Variants in TOP2B observed in about 807,000 individuals in gnomAD.
TOP2B encodes DNA topoisomerase 2-beta.
A neutral mutation model predicts 193.5 loss-of-function variants in TOP2B; 51 were observed. The observed-to-expected ratio is 0.26, with a 90% CI of 0.21 to 0.33. The LOEUF (loss-of-function observed/expected upper bound fraction) is 0.33, where lower values mean the gene tolerates loss of function less well. Ranked by LOEUF, TOP2B falls within the 10% of genes least tolerant of loss-of-function variation. The pLI is 1.00. For synonymous variants in TOP2B, 634 were observed against 635.7 expected, an observed-to-expected ratio of 1.00 and a Z score of 0.04; for missense variants, 1,378 against 1,909.3, an observed-to-expected ratio of 0.72 and a Z score of 5.19.
intron 1 of TOP2B, among the ~76,000 whole-genome samples, chr3:25,658,777 A>G (rs966640192): frequency 1.3e-5 from 2 of 152,226 alleles, no homozygotes; most frequent in African/African-American, 4.8e-5. Flanking sequence ...AGTCTTCAGA[A>G]GAAAATGGAA....
intron 1 of TOP2B, among the ~76,000 whole-genome samples, chr3:25,660,753 T>C (rs1243481839): frequency 6.6e-6 from 1 of 152,216 alleles, no homozygotes; most frequent in Non-Finnish European, 1.5e-5. Context: ...AATAAATCTT[T>C]AAACAATATT....
intron 1 of TOP2B, among the ~76,000 whole-genome samples, chr3:25,648,121 T>C (rs1162957973): frequency 6.6e-6 from 1 of 152,210 alleles, no homozygotes; most frequent in Non-Finnish European, 1.5e-5. Context: ...AGTGCTACCC[T>C]AGAAACTTCT....
chr3:25,630,779 T>C (rs2125378385), intron 11 of TOP2B, 22 bp downstream of exon 11: 2 of 1,507,448 alleles, frequency 1.3e-6, no homozygotes, highest in African/African-American at 2.9e-5. Flanking sequence ...ATCAAAATCT[T>C]ATTTAAAAAT....
intron 33 of TOP2B, among the ~76,000 whole-genome samples, chr3:25,602,418 A>T (rs201457956): frequency 1.9e-5 from 2 of 105,078 alleles, no homozygotes; most frequent in Admixed American, 9.8e-5. Flanking sequence ...AAGAAAAAGA[A>T]AAAAAAAAAA....
chr3:25,664,106 T>C (rs558043334), intron 1 of TOP2B, 123 bp downstream of exon 1: 7 of 1,415,246 alleles, frequency 4.9e-6, no homozygotes, highest in East Asian at 5.2e-5. Context: ...CACAGGCCCC[T>C]ATGGAGCGCC....
At chr3:25,644,117 T>C (rs1703345256) in intron 2 of TOP2B, among the ~76,000 whole-genome samples, 1 of 150,960 alleles carries the variant, frequency 6.6e-6, no homozygotes, top group Admixed American at 6.6e-5. Flanking sequence ...TTTTTTTTTA[T>C]AATACAGGGA....
chr3:25,626,973 G>C lies in TOP2B; in HGVS notation c.2017-109C>G, dbSNP rs534461460. ...CTAATTCTTAATTTCTGGAAAATTA[G>C]GTTATTTTACAATATTTTAATCAAA... On this transcript the variant is annotated intron_variant, in intron 16 of 35. Coordinates refer to ENST00000264331, the MANE Select transcript of TOP2B (RefSeq NM_001330700.2). 83 of 753,218 alleles carry C rather than the reference G, an allele frequency of 1.1e-4. No homozygotes were observed. In the East Asian group the frequency reaches 2.2e-3, roughly 20 times the overall value. The allele number at this position is 753,218 out of a possible 1,614,324, so 46.7% of individuals were successfully genotyped here. A position where few individuals can be genotyped will look rare whatever the true frequency, so the allele number is the denominator to read the frequency against.
intron 25 of TOP2B, among the ~76,000 whole-genome samples, chr3:25,617,239 A>G (rs1240451945): frequency 6.6e-6 from 1 of 152,112 alleles, no homozygotes; most frequent in East Asian, 1.9e-4. Flanking sequence ...AAAAACATAT[A>G]GTTTAAACCA....
At chr3:25,606,704 G>C (rs1248843878) in intron 31 of TOP2B, among the ~76,000 whole-genome samples, 1 of 152,112 alleles carries the variant, frequency 6.6e-6, no homozygotes, top group African/African-American at 2.4e-5. Context: ...CTCACCAAAA[G>C]CAAGAAAAAT....
chr3:25,604,813 AATG>A lies in TOP2B; in HGVS notation c.4433_4435del (p.Ser1478del). 1 of 1,613,084 alleles carries A rather than the reference AATG, an allele frequency of 6.2e-7. No homozygotes were observed. Among genetic ancestry groups the A allele is most frequent in the Non-Finnish European group, 8.5e-7 (1 of 1,179,420 alleles). On this transcript the variant is annotated inframe_deletion, in exon 33 of 36. Coordinates refer to ENST00000264331, the MANE Select transcript of TOP2B (RefSeq NM_001330700.2). ...AACTTTATCTGTCTGTTTCAGACCA[AATG>A]ATGGTGAAAAAACAGAAGCAGAATC...
chr3:25,604,736 A>C (rs1702193469), intron 33 of TOP2B, 24 bp downstream of exon 33: 1 of 1,529,268 alleles, frequency 6.5e-7, no homozygotes, highest in Non-Finnish European at 9.0e-7. Flanking sequence ...CCAATGCTTA[A>C]CTCAATCAAA....
At chr3:25,650,344 C>T (rs1243949843) in intron 1 of TOP2B, among the ~76,000 whole-genome samples, 1 of 152,166 alleles carries the variant, frequency 6.6e-6, no homozygotes, top group Non-Finnish European at 1.5e-5. Context: ...AAACTGTTGC[C>T]AAGACCTTTG....
At chr3:25,606,524 G>T (rs1325905957) in intron 31 of TOP2B, among the ~76,000 whole-genome samples, 1 of 151,896 alleles carries the variant, frequency 6.6e-6, no homozygotes, top group African/African-American at 2.4e-5. Context: ...AAAACCCAAG[G>T]AAAAAGACAG....
At chr3:25,655,536 T>C (rs988236654) in intron 1 of TOP2B, among the ~76,000 whole-genome samples, 1 of 152,206 alleles carries the variant, frequency 6.6e-6, no homozygotes, top group Non-Finnish European at 1.5e-5. Context: ...TTTGGGTATA[T>C]ATCCAAAAGA....
intron 6 of TOP2B, 56 bp downstream of exon 6, chr3:25,637,159 C>T (rs1476927523): frequency 9.6e-6 from 13 of 1,349,862 alleles, no homozygotes; most frequent in African/African-American, 7.3e-5. Context: ...TCTACTATCT[C>T]GGCAAGATAA....
At chr3:25,607,406 C>T in intron 30 of TOP2B, 31 bp from the exon 31 acceptor site, 1 of 1,545,658 alleles carries the variant, frequency 6.5e-7, no homozygotes, top group Non-Finnish European at 8.7e-7. Context: ...GAATGTTAAA[C>T]TCAAATCCTA....
At chr3:25,615,628 A>G (rs1322928960) in intron 25 of TOP2B, 42 bp from the exon 26 acceptor site, 2 of 1,353,370 alleles carry the variant, frequency 1.5e-6, no homozygotes, top group Admixed American at 3.2e-5. Flanking sequence ...CTTGTATAGT[A>G]TCAAATTAAT....
Position 25,664,198 on chromosome 3 carries a change from C to A in TOP2B, c.69+31G>T, listed in dbSNP as rs758580970. ...CCCCCGCCGCGGGCCCGGAACAATG[C>A]AGCCGCCCGTCCCGGGGACCAGCCA... On this transcript the variant is annotated intron_variant, in intron 1 of 35. Coordinates refer to ENST00000264331, the MANE Select transcript of TOP2B (RefSeq NM_001330700.2). 3.8e-5 allele frequency: 58 copies of A among 1,538,372 alleles called. No homozygotes were observed. The Middle Eastern group carries it at 5.6e-4, about 15-fold the overall frequency.
At chr3:25,648,345 T>C (rs1358492658) in intron 1 of TOP2B, among the ~76,000 whole-genome samples, 1 of 152,088 alleles carries the variant, frequency 6.6e-6, no homozygotes, top group African/African-American at 2.4e-5. Flanking sequence ...GAGGCAAACC[T>C]CTTCAATTAA....
Sources: allele counts gnomAD v4.1 joint callset (sites outside exome capture counted in the v4.1 genomes callset), GRCh38; gene constraint gnomAD v4.1.1; transcripts MANE v1.5; gene names NCBI Gene and HGNC (gene_info 2026-07-23, HGNC 2026-07-21).